The following ATP11A variants were observed in gnomAD, a reference collection of about 807,000 sequenced individuals.
ATP11A encodes the protein ATPase phospholipid transporting 11A, also known as phospholipid-transporting ATPase IH.
A neutral mutation model predicts 154.4 loss-of-function variants in ATP11A; 81 were observed. The ratio of observed to expected loss-of-function variants is 0.52; its 90% CI spans 0.44 to 0.63. ATP11A has a LOEUF of 0.63. Ranked by LOEUF, ATP11A falls within the 30% of genes least tolerant of loss-of-function variation. The pLI is 0.00. For missense variants in ATP11A, 1,316 were observed against 1,474.3 expected (o/e 0.89, Z 1.76); for synonymous variants, 623 against 585.9 (o/e 1.06, Z -0.91).
intron 1 of ATP11A, among the ~76,000 whole-genome samples, chr13:112,758,849 G>A (rs1275032399): frequency 6.6e-5 from 10 of 152,174 alleles, no homozygotes; most frequent in East Asian, 3.8e-4. Flanking sequence ...GTTCATTACC[G>A]TGGGGTGTGT....
rs151043690 is a variant in ATP11A at position 112,769,507 on chromosome 13, C to G, written c.40-15628C>G. ...CCAAAACCAGGTTCTCTTCTGCACA[C>G]TGGAGCAGGGACCTTGGCCTCAAAT... On this transcript the variant is annotated intron_variant, in intron 1 of 29. Coordinates refer to ENST00000375645, the MANE Select transcript of ATP11A (RefSeq NM_015205.3). Among the ~76,000 whole-genome samples the G allele has an allele frequency of 2.4e-3, 372 of 152,358 alleles. 3 individuals carry two copies. The highest frequency in any genetic ancestry group is 7.1e-3 in the African/African-American group (296 of 41,596).
intron 1 of ATP11A, among the ~76,000 whole-genome samples, chr13:112,777,870 G>A (rs1399385721): frequency 2.6e-5 from 4 of 152,108 alleles, no homozygotes; most frequent in African/African-American, 7.2e-5. Flanking sequence ...CTCCCCACAC[G>A]CCGCTCACCG....
chr13:112,865,099 C>T (rs2080279792), intron 25 of ATP11A, among the ~76,000 whole-genome samples: 2 of 115,642 alleles, frequency 1.7e-5, no homozygotes, highest in African/African-American at 3.3e-5. Context: ...TAATTCAGTG[C>T]AGCCCATGCA....
At chr13:112,729,045 A>T (rs1890206603) in intron 1 of ATP11A, among the ~76,000 whole-genome samples, 1 of 152,168 alleles carries the variant, frequency 6.6e-6, no homozygotes, top group Admixed American at 6.5e-5. Flanking sequence ...AACACATTTA[A>T]AGCAAAGGCT....
At chr13:112,787,676 T>A in intron 2 of ATP11A, among the ~76,000 whole-genome samples, 1 of 66,310 alleles carries the variant, frequency 1.5e-5, no homozygotes, top group African/African-American at 7.1e-5. Context: ...CCTACTTAAT[T>A]CACACCGGGT....
intron 14 of ATP11A, among the ~76,000 whole-genome samples, chr13:112,833,497 A>T (rs1207374820): frequency 1.3e-5 from 2 of 152,046 alleles, no homozygotes; most frequent in Non-Finnish European, 2.9e-5. Flanking sequence ...TACTTTAAAC[A>T]TTCCAGATAC....
In ATP11A at chr13:112,750,817, C is replaced by T. The variant is rs144198265; in HGVS notation, c.40-34318C>T. On this transcript the variant is annotated intron_variant, in intron 1 of 29. Coordinates refer to ENST00000375645, the MANE Select transcript of ATP11A (RefSeq NM_015205.3). ...ATGACTTCTGACCTCTTCTGGGTCACGTAGCTTCCCCCTGCCTTTTTATAA... is the reference window on the plus strand; with the variant it reads ...ATGACTTCTGACCTCTTCTGGGTCATGTAGCTTCCCCCTGCCTTTTTATAA... Among the ~76,000 whole-genome samples the T allele has an allele frequency of 2.6e-4, 39 of 152,344 alleles. 2 individuals are homozygous for T. In the East Asian group the frequency reaches 7.1e-3, roughly 28 times the overall value.
chr13:112,858,506 A>G (rs2080002103), intron 22 of ATP11A: 1 of 466,478 alleles, frequency 2.1e-6, no homozygotes, highest in Non-Finnish European at 3.7e-6. Context: ...ACCCATGCCC[A>G]AAAATATCAA....
At chr13:112,788,087 T>G (rs1256832355) in intron 2 of ATP11A, among the ~76,000 whole-genome samples, 1 of 150,318 alleles carries the variant, frequency 6.7e-6, no homozygotes, top group Non-Finnish European at 1.5e-5. Context: ...ACACCGGGTG[T>G]CCTGATGTGT....
intron 8 of ATP11A, among the ~76,000 whole-genome samples, chr13:112,821,695 C>T (rs1280312590): frequency 2.0e-5 from 3 of 152,214 alleles, no homozygotes; most frequent in African/African-American, 7.2e-5. Context: ...GTGATGTGGA[C>T]AGTTAAGAAT....
Position 112,882,237 on chromosome 13 carries a change from G to A in ATP11A, c.*371G>A, listed in dbSNP as rs1277528222. On this transcript the variant is annotated 3_prime_UTR_variant, in exon 30 of 30. Transcript: ENST00000375645. The surrounding 1 kb of genome is among the most constrained non-coding windows in gnomAD (Gnocchi z 5.1). ...CTGGGCATTCGGCTCAACGCAGGAG[G>A]GACATTCTGCTGGCCCACCCTGCGC... The A allele has an allele frequency of 9.8e-6, 8 of 813,634 alleles. No individual in the cohort carries two copies. Among genetic ancestry groups the A allele is most frequent in the African/African-American group, 1.8e-5 (1 of 56,060 alleles). 50.4% of individuals were successfully genotyped at this position (813,634 alleles called of 1,614,324 possible).
chr13:112,836,201 G>GT lies in ATP11A; in HGVS notation c.1659dup (p.Asp554Ter). 1.9e-6 allele frequency: 3 copies of GT among 1,612,944 alleles called. No homozygotes were observed. Among genetic ancestry groups the GT allele is most frequent in the Non-Finnish European group, 2.5e-6 (3 of 1,179,274 alleles). On this transcript the variant is annotated frameshift_variant, in exon 16 of 30. Coordinates refer to ENST00000375645, the MANE Select transcript of ATP11A (RefSeq NM_015205.3). LOFTEE classifies it high-confidence loss of function. Reference sequence around the variant, plus strand: ...AGGTTTGAATTGCTGGAAATTTTGAGTTTTGACTCAGTCAGAAGGAGAATG... The same window carrying GT: ...AGGTTTGAATTGCTGGAAATTTTGAGTTTTTGACTCAGTCAGAAGGAGAATG...
intron 28 of ATP11A, among the ~76,000 whole-genome samples, chr13:112,876,862 G>A (rs2080743885): frequency 1.3e-5 from 2 of 152,104 alleles, no homozygotes; most frequent in East Asian, 3.9e-4. Flanking sequence ...CTGCTGTGCT[G>A]GGAGGGAAGA....
rs1284602327 is a variant in ATP11A, at chr13:112,697,759, A to G, written c.39+7304A>G. Among the ~76,000 whole-genome samples the G allele has an allele frequency of 3.0e-5, 4 of 132,984 alleles. No homozygotes were observed. The highest frequency in any genetic ancestry group is 2.3e-4 in the East Asian group (1 of 4,374). 87.2% of individuals were successfully genotyped at this position (132,984 alleles called of 152,430 possible). Reference sequence around the variant, plus strand: ...TTTTTTTTTTTTTTTTTTTTAGTAGAGATGGGGTTTCACCATATTGGCCAG... The same window carrying G: ...TTTTTTTTTTTTTTTTTTTTAGTAGGGATGGGGTTTCACCATATTGGCCAG... On this transcript the variant is annotated intron_variant, in intron 1 of 29. Transcript: ENST00000375645. This position sits in a 1 kb window ranked among gnomAD's most constrained non-coding sequence, Gnocchi z 4.0.
chr13:112,883,966 TTC>T lies in ATP11A; in HGVS notation c.*2101_*2102del, dbSNP rs1297672269. Reference sequence around the variant, plus strand: ...AAAATTGCCTTTGCACTGAAGTATTTTCATAGCTGTTTATATCTCTTTTATTC... The same window carrying T: ...AAAATTGCCTTTGCACTGAAGTATTTATAGCTGTTTATATCTCTTTTATTC... On this transcript the variant is annotated 3_prime_UTR_variant, in exon 30 of 30. Coordinates refer to ENST00000375645, the MANE Select transcript of ATP11A (RefSeq NM_015205.3). 6.6e-6 allele frequency: 1 copy of T among 152,618 alleles called. No individual in the cohort carries two copies. The highest frequency in any genetic ancestry group is 1.9e-4 in the East Asian group (1 of 5,204). The allele number at this position is 152,618 out of a possible 1,614,324, so 9.5% of individuals were successfully genotyped here. A position where few individuals can be genotyped will look rare whatever the true frequency, so the allele number is the denominator to read the frequency against.
rs760216713 is a variant in ATP11A at position 112,785,110 on chromosome 13, C to T, written c.40-25C>T. On this transcript the variant is annotated intron_variant, in intron 1 of 29. Coordinates refer to ENST00000375645, the MANE Select transcript of ATP11A (RefSeq NM_015205.3). This position sits in a 1 kb window ranked among gnomAD's most constrained non-coding sequence, Gnocchi z 4.8. ...TTTGATGCAGGTTCTGAGGCAGCTG[C>T]CTAACACCGCTCTCCTTTCCGCAGT... 16 of 1,441,702 alleles carry T rather than the reference C, an allele frequency of 1.1e-5. No individual in the cohort carries two copies. Among genetic ancestry groups the T allele is most frequent in the Non-Finnish European group, 1.5e-5 (16 of 1,090,956 alleles). The allele number at this position is 1,441,702 out of a possible 1,614,324, so 89.3% of individuals were successfully genotyped here.
chr13:112,691,177 G>T (rs554826631), intron 1 of ATP11A, among the ~76,000 whole-genome samples: 1 of 152,206 alleles, frequency 6.6e-6, no homozygotes, highest in South Asian at 2.1e-4. Context: ...GTAAAAAGGG[G>T]TGTGTGGCCG....
At chr13:112,778,261 G>A (rs1039278635) in intron 1 of ATP11A, among the ~76,000 whole-genome samples, 2 of 152,226 alleles carry the variant, frequency 1.3e-5, no homozygotes, top group African/African-American at 2.4e-5. Context: ...TGCAGTAGGC[G>A]GAGGTTTGCT....
In ATP11A at chr13:112,818,665, G is replaced by A. The variant is rs559626178; in HGVS notation, c.571-639G>A. Among the ~76,000 whole-genome samples, 64 of 152,318 alleles carry A rather than the reference G, an allele frequency of 4.2e-4. 1 individual carries two copies. The East Asian group carries it at 0.01, about 24-fold the overall frequency. On this transcript the variant is annotated intron_variant, in intron 6 of 29. Coordinates refer to ENST00000375645, the MANE Select transcript of ATP11A (RefSeq NM_015205.3). Reference sequence around the variant, plus strand: ...TACTGAGGTCACCAGGCCTCAAAATGTGTTCTGAGAGCAGCAGCATCGGCA... The same window carrying A: ...TACTGAGGTCACCAGGCCTCAAAATATGTTCTGAGAGCAGCAGCATCGGCA...
Sources: allele counts gnomAD v4.1 joint callset (sites outside exome capture counted in the v4.1 genomes callset), GRCh38; gene constraint gnomAD v4.1.1; non-coding constraint Gnocchi (gnomAD v3.1); transcripts MANE v1.5; gene names NCBI Gene and HGNC (gene_info 2026-07-23, HGNC 2026-07-21).